The following WDPCP variants were observed in gnomAD, a reference collection of about 807,000 sequenced individuals.
WDPCP encodes WD repeat containing planar cell polarity effector.
WDPCP carries 71 observed loss-of-function variants against 93.1 expected under a neutral mutation model. The ratio of observed to expected loss-of-function variants is 0.76; its 90% CI spans 0.63 to 0.93. The LOEUF is 0.93. Ranked by LOEUF, WDPCP falls within the 40% of genes least tolerant of loss-of-function variation. The pLI is 0.00. For missense variants in WDPCP, 844 were observed against 887.4 expected (o/e 0.95, Z 0.62); for synonymous variants, 315 against 315.0 (o/e 1.00, Z 0.00).
intron 9 of WDPCP, among the ~76,000 whole-genome samples, chr2:63,432,872 C>T (rs1051364114): frequency 6.6e-6 from 1 of 152,124 alleles, no homozygotes; most frequent in Non-Finnish European, 1.5e-5. Flanking sequence ...AGGCACAGAA[C>T]ACAGAATTAG....
chr2:63,569,038 A>G (rs891590546), intron 1 of WDPCP, among the ~76,000 whole-genome samples: 6 of 152,232 alleles, frequency 3.9e-5, no homozygotes, highest in Admixed American at 6.5e-5. Flanking sequence ...TTTTCATAGT[A>G]CCAATGTTAG....
chr2:63,247,571 T>A (rs1680381841), intron 14 of WDPCP, among the ~76,000 whole-genome samples: 2 of 151,826 alleles, frequency 1.3e-5, no homozygotes, highest in South Asian at 4.1e-4. Context: ...TCAAAAATAT[T>A]ATATAAAATT....
intron 3 of WDPCP, among the ~76,000 whole-genome samples, chr2:63,636,233 C>T (rs1362726801): frequency 6.6e-6 from 1 of 152,166 alleles, no homozygotes; most frequent in Non-Finnish European, 1.5e-5. Flanking sequence ...AAAGATATCC[C>T]ATGTTCATGG....
intron 1 of WDPCP, among the ~76,000 whole-genome samples, chr2:63,569,018 T>C (rs1707285800): frequency 2.6e-5 from 4 of 152,250 alleles, no homozygotes; most frequent in Admixed American, 1.3e-4. Flanking sequence ...AAGAGGAATC[T>C]CTACTTTATT....
At chr2:63,526,690 G>C (rs1703363391) in intron 1 of WDPCP, among the ~76,000 whole-genome samples, 1 of 152,124 alleles carries the variant, frequency 6.6e-6, no homozygotes, top group Non-Finnish European at 1.5e-5. Flanking sequence ...GTTTTTACAT[G>C]GCTGGCTGCT....
At chr2:63,222,305 T>G (rs1677906215) in intron 14 of WDPCP, among the ~76,000 whole-genome samples, 2 of 152,184 alleles carry the variant, frequency 1.3e-5, no homozygotes. Flanking sequence ...ACTGTTTAAG[T>G]TTAGCTTCTT....
At chr2:63,286,046 C>T (rs1322032122) in intron 13 of WDPCP, among the ~76,000 whole-genome samples, 2 of 151,996 alleles carry the variant, frequency 1.3e-5, no homozygotes, top group Admixed American at 6.6e-5. Context: ...CTTTCTCTGT[C>T]ACCCAAGCTG....
intron 2 of WDPCP, among the ~76,000 whole-genome samples, chr2:63,661,713 GAAAC>G (rs1427767766): frequency 6.6e-6 from 1 of 152,118 alleles, no homozygotes; most frequent in East Asian, 1.9e-4. Context: ...AGTTATCTAC[GAAAC>G]AAACAAAATA....
At position 63,409,433 on chromosome 2, in the gene WDPCP, A is replaced by G. The variant is rs2176415; in HGVS notation, c.826-4776T>C. Among the ~76,000 whole-genome samples the G allele has an allele frequency of 7.5e-4, 114 of 152,122 alleles. 1 individual carries two copies. The South Asian group carries it at 0.021, about 29-fold the overall frequency. ...ACCCTAGACCTTCCGTCTGACGGAG[A>G]CTACCCAAATGAGAAGAAACCAGAA... On this transcript the variant is annotated intron_variant, in intron 9 of 17. Coordinates refer to ENST00000272321, the MANE Select transcript of WDPCP (RefSeq NM_015910.7).
At chr2:63,474,098 A>G (rs1451828190) in intron 6 of WDPCP, among the ~76,000 whole-genome samples, 1 of 152,122 alleles carries the variant, frequency 6.6e-6, no homozygotes, top group East Asian at 1.9e-4. Flanking sequence ...ATATTTATAA[A>G]ATACTCAAAG....
intron 13 of WDPCP, among the ~76,000 whole-genome samples, chr2:63,270,371 A>G (rs1682530871): frequency 6.6e-6 from 1 of 151,960 alleles, no homozygotes; most frequent in Admixed American, 6.5e-5. Context: ...CAGGAGTTCT[A>G]TTTTTGATTA....
chr2:63,368,217 G>T (rs1691071114), intron 12 of WDPCP, among the ~76,000 whole-genome samples: 1 of 152,070 alleles, frequency 6.6e-6, no homozygotes. Flanking sequence ...ACAGATGCTT[G>T]AGAGCACTTA....
intron 17 of WDPCP, among the ~76,000 whole-genome samples, chr2:63,129,596 T>C (rs1388574420): frequency 6.6e-6 from 1 of 152,254 alleles, no homozygotes; most frequent in African/African-American, 2.4e-5. Context: ...ATGTACTTTT[T>C]GTCCATTTGT....
chr2:63,214,503 C>T (rs779564340), intron 14 of WDPCP, among the ~76,000 whole-genome samples: 5 of 152,110 alleles, frequency 3.3e-5, no homozygotes, highest in South Asian at 4.1e-4. Flanking sequence ...ATGACAAACC[C>T]GCAGCCAGTA....
intron 1 of WDPCP, among the ~76,000 whole-genome samples, chr2:63,565,352 G>A (rs1402441775): frequency 2.0e-5 from 3 of 152,168 alleles, no homozygotes; most frequent in Non-Finnish European, 2.9e-5. Context: ...TAAATGTATG[G>A]ATGACTGTTG....
At chr2:63,606,107 C>A in intron 3 of WDPCP, 2 of 1,267,828 alleles carry the variant, frequency 1.6e-6, no homozygotes, top group Non-Finnish European at 2.3e-6. Flanking sequence ...ATTGGCCAGG[C>A]ACAGTGGCTC....
chr2:63,350,469 C>T (rs980044681), intron 12 of WDPCP, among the ~76,000 whole-genome samples: 2 of 111,368 alleles, frequency 1.8e-5, no homozygotes, highest in Non-Finnish European at 3.8e-5. Flanking sequence ...AGAAAATCAA[C>T]GAAACCCAAA....
intron 2 of WDPCP, among the ~76,000 whole-genome samples, chr2:63,655,904 C>A (rs1575739988): frequency 6.6e-6 from 1 of 152,328 alleles, no homozygotes; most frequent in East Asian, 1.9e-4. Flanking sequence ...TCCTTATGAA[C>A]TGCAATGTGT....
At chr2:63,293,138 G>C (rs1378977871) in intron 13 of WDPCP, among the ~76,000 whole-genome samples, 4 of 152,148 alleles carry the variant, frequency 2.6e-5, no homozygotes, top group Non-Finnish European at 5.9e-5. Context: ...GTGACTTGTA[G>C]TAGATTTAAG....
Sources: gnomAD v4.1 joint callset for allele counts (sites outside exome capture counted in the v4.1 genomes callset) on GRCh38, gnomAD v4.1.1 for gene constraint, MANE v1.5 for transcripts, NCBI Gene and HGNC (gene_info 2026-07-23, HGNC 2026-07-21) for gene names.